STUM: variants seen among roughly 807,000 people sequenced by gnomAD.
STUM encodes stum, mechanosensory transduction mediator homolog.
A neutral mutation model predicts 15.3 loss-of-function variants in STUM; 8 were observed. The ratio of observed to expected loss-of-function variants is 0.52; its 90% CI spans 0.31 to 0.94. The LOEUF (loss-of-function observed/expected upper bound fraction) is 0.94. STUM is among the 40% of genes least tolerant of loss of function. STUM has a pLI of 0.05. For synonymous variants in STUM, 78 were observed against 88.7 expected, an observed-to-expected ratio of 0.88 and a Z score of 0.68; for missense variants, 142 against 204.9, an observed-to-expected ratio of 0.69 and a Z score of 1.87.
rs1667750845 is a variant in STUM, at chr1:226,573,317, G to A, written c.203-23485G>A. 2.0e-5 allele frequency among the ~76,000 whole-genome samples: 3 copies of A among 152,188 alleles called. No individual in the cohort carries two copies. In the South Asian group the frequency reaches 6.2e-4, roughly 32 times the overall value. ...CCATAAGTGAGTTAATGCACATAGA[G>A]CTTTTGTAACAGATGGTGGCGGGTT... On this transcript the variant is annotated intron_variant, in intron 1 of 3. Coordinates refer to ENST00000366788, the MANE Select transcript of STUM (RefSeq NM_001003665.4).
chr1:226,595,344 G>T (rs1482407646), intron 1 of STUM, among the ~76,000 whole-genome samples: 1 of 152,066 alleles, frequency 6.6e-6, no homozygotes, highest in Admixed American at 6.5e-5. Flanking sequence ...CACTGAGAGC[G>T]AGTCTTCCTC....
At position 226,548,832 on chromosome 1, in the gene STUM, A is replaced by G. The variant is rs1667315738; in HGVS notation, c.-73A>G. The G allele has an allele frequency of 8.5e-7, 1 of 1,177,962 alleles. No individual in the cohort carries two copies. The highest frequency in any genetic ancestry group is 1.1e-6 in the Non-Finnish European group (1 of 936,750). 73.0% of individuals were successfully genotyped at this position (1,177,962 alleles called of 1,614,324 possible). A position where few individuals can be genotyped will look rare whatever the true frequency, so the allele number is the denominator to read the frequency against. ...GCGCGGAGCCCGGAGCCCGCAGCCG[A>G]CAGTCTCCTGCTCCCGTACGCTGGG... is the stretch of plus-strand genomic sequence containing the variant. On this transcript the variant is annotated 5_prime_UTR_variant, in exon 1 of 4. Transcript: ENST00000366788.
chr1:226,600,065 A>C lies in STUM; in HGVS notation c.383-601A>C, dbSNP rs1394289226. On this transcript the variant is annotated intron_variant, in intron 2 of 3. Coordinates refer to ENST00000366788, the MANE Select transcript of STUM (RefSeq NM_001003665.4). This position sits in a 1 kb window ranked among gnomAD's most constrained non-coding sequence, Gnocchi z 5.2. Reference sequence around the variant, plus strand: ...TCAGCATCTTTAGATTGCTGTAGTCAAAGCTCTAGCTGTCCAGGAGCTGCC... The same window carrying C: ...TCAGCATCTTTAGATTGCTGTAGTCCAAGCTCTAGCTGTCCAGGAGCTGCC... 6.6e-6 allele frequency among the ~76,000 whole-genome samples: 1 copy of C among 152,176 alleles called. No individual in the cohort carries two copies.
At position 226,600,090 on chromosome 1, in the gene STUM, C is replaced by G. The variant is rs1300021005; in HGVS notation, c.383-576C>G. Among the ~76,000 whole-genome samples the G allele has an allele frequency of 2.0e-5, 3 of 152,056 alleles. No homozygotes were observed. On this transcript the variant is annotated intron_variant, in intron 2 of 3. Coordinates refer to ENST00000366788, the MANE Select transcript of STUM (RefSeq NM_001003665.4). This position sits in a 1 kb window ranked among gnomAD's most constrained non-coding sequence, Gnocchi z 5.2. The stretch of plus-strand genomic sequence containing the variant: ...AAAGCTCTAGCTGTCCAGGAGCTGC[C>G]ACTCCTCATGTCCATCTGGAATTTA...
At position 226,552,135 on chromosome 1, in the gene STUM, C is replaced by A. The variant is rs1435823320; in HGVS notation, c.202+3029C>A. Among the ~76,000 whole-genome samples the A allele has an allele frequency of 6.6e-6, 1 of 152,032 alleles. No individual in the cohort carries two copies. Among genetic ancestry groups the A allele is most frequent in the African/African-American group, 2.4e-5 (1 of 41,362 alleles). ...TCTCAGGTCCATCCAGTCTGCAGGA[C>A]CAGCTGTGGAGAAGCCCCATCCTTA... On this transcript the variant is annotated intron_variant, in intron 1 of 3. Transcript: ENST00000366788. The surrounding 1 kb of genome is among the most constrained non-coding windows in gnomAD (Gnocchi z 4.7).
intron 1 of STUM, among the ~76,000 whole-genome samples, chr1:226,582,358 C>T (rs1360790568): frequency 2.0e-5 from 3 of 152,108 alleles, no homozygotes; most frequent in East Asian, 3.8e-4. Context: ...TTTGGGAGGC[C>T]GAGGCAGGTG....
chr1:226,549,042 C>G lies in STUM; in HGVS notation c.138C>G (p.Ile46Met). ...AGAAGGGCCCCCTGCGCGCCGCCAT[C>G]CCCTACATGCCCTTCCCCGTGGCCG... is the stretch of plus-strand genomic sequence containing the variant. ...REKKGPLRAA[I>M]PYMPFPVAVI... The change falls in exon 1 of 4, where the codon ATC becomes ATG. Residue 46 changes from isoleucine (I) to methionine (M), a missense_variant. This residue lies in a region of STUM where 113 missense variants were observed against 134.4 expected (regional missense o/e 0.84). Coordinates refer to ENST00000366788, the MANE Select transcript of STUM (RefSeq NM_001003665.4). This position sits in a 1 kb window ranked among gnomAD's most constrained non-coding sequence, Gnocchi z 6.8. The G allele has an allele frequency of 6.3e-7, 1 of 1,582,906 alleles. No homozygotes were observed. The highest frequency in any genetic ancestry group is 8.6e-7 in the Non-Finnish European group (1 of 1,167,364).
intron 1 of STUM, among the ~76,000 whole-genome samples, chr1:226,581,547 T>C (rs1571806094): frequency 1.3e-5 from 2 of 152,180 alleles, no homozygotes; most frequent in Non-Finnish European, 1.5e-5. Context: ...TGAGCTTAGC[T>C]CTCTCTTCCT....
chr1:226,586,968 A>G (rs939188193), intron 1 of STUM, among the ~76,000 whole-genome samples: 3 of 152,156 alleles, frequency 2.0e-5, no homozygotes, highest in Non-Finnish European at 4.4e-5. Context: ...CTAGCACTGA[A>G]GCCTAGACTC....
At chr1:226,601,775 C>T (rs757614596) in intron 3 of STUM, among the ~76,000 whole-genome samples, 4 of 152,188 alleles carry the variant, frequency 2.6e-5, no homozygotes, top group Non-Finnish European at 5.9e-5. Context: ...CCCAAATGCC[C>T]GCCCGTCATA....
chr1:226,592,333 G>A (rs1347190880), intron 1 of STUM, among the ~76,000 whole-genome samples: 2 of 152,212 alleles, frequency 1.3e-5, no homozygotes, highest in African/African-American at 2.4e-5. Context: ...ACAGGCGTGA[G>A]CCACCACGCC....
chr1:226,589,569 C>G (rs12137075), intron 1 of STUM, among the ~76,000 whole-genome samples: 8,016 of 152,308 alleles, frequency 0.053, 306 homozygotes, highest in Non-Finnish European at 0.078. Flanking sequence ...GCCTCTGCTG[C>G]CTGCCTTTCT....
At chr1:226,585,386 G>T (rs1667981116) in intron 1 of STUM, among the ~76,000 whole-genome samples, 1 of 152,128 alleles carries the variant, frequency 6.6e-6, no homozygotes, top group Non-Finnish European at 1.5e-5. Flanking sequence ...AGGCCTTATT[G>T]GTTTCATGCT....
At chr1:226,550,595 CT>C (rs572158437) in intron 1 of STUM, among the ~76,000 whole-genome samples, 2,646 of 143,822 alleles carry the variant, frequency 0.018, 19 homozygotes, top group Non-Finnish European at 0.026. Flanking sequence ...CTTGATCCAC[CT>C]TTTTTTTTTT....
rs140360507 is a variant in STUM at position 226,551,470 on chromosome 1, T to C, written c.202+2364T>C. Among the ~76,000 whole-genome samples the C allele has an allele frequency of 2.7e-3, 410 of 152,320 alleles. 1 individual carries two copies. Among genetic ancestry groups the C allele is most frequent in the African/African-American group, 9.6e-3 (399 of 41,578 alleles). ...CAGGCAACAAAGCAGCTCAGACCAA[T>C]CTTGCAGGTGGTTTTATTGCCCCCC... On this transcript the variant is annotated intron_variant, in intron 1 of 3. Transcript: ENST00000366788.
At chr1:226,586,282 A>G (rs75996283) in intron 1 of STUM, among the ~76,000 whole-genome samples, 3,691 of 152,216 alleles carry the variant, frequency 0.024, 163 homozygotes, top group African/African-American at 0.084. Flanking sequence ...ACGCCTGGCT[A>G]TGAACTCCCA....
In STUM at chr1:226,549,344, G is replaced by A. The variant is rs1389725433; in HGVS notation, c.202+238G>A. Among the ~76,000 whole-genome samples, 1 of 152,156 alleles carries A rather than the reference G, an allele frequency of 6.6e-6. No individual in the cohort carries two copies. The highest frequency in any genetic ancestry group is 2.4e-5 in the African/African-American group (1 of 41,450). On this transcript the variant is annotated intron_variant, in intron 1 of 3. Coordinates refer to ENST00000366788, the MANE Select transcript of STUM (RefSeq NM_001003665.4). This position sits in a 1 kb window ranked among gnomAD's most constrained non-coding sequence, Gnocchi z 6.8. ...CCCGCAGGCGGGGCCCCAAAGAGCCGGAAACTTTGCGGCCAATGTTGGAGC... is the reference window on the plus strand; with the variant it reads ...CCCGCAGGCGGGGCCCCAAAGAGCCAGAAACTTTGCGGCCAATGTTGGAGC...
intron 2 of STUM, 63 bp downstream of exon 2, chr1:226,597,044 G>A (rs1350577884): frequency 6.7e-7 from 1 of 1,484,960 alleles, no homozygotes; most frequent in East Asian, 2.3e-5. Context: ...GGAAGGGCTT[G>A]GGAGACCTTC....
chr1:226,594,130 A>C (rs1668134011), intron 1 of STUM, among the ~76,000 whole-genome samples: 2 of 152,206 alleles, frequency 1.3e-5, no homozygotes, highest in Non-Finnish European at 2.9e-5. Flanking sequence ...AGAAATCAGC[A>C]TGTGGACTCA....
Sources: allele counts gnomAD v4.1 joint callset (sites outside exome capture counted in the v4.1 genomes callset), GRCh38; gene constraint gnomAD v4.1.1; regional missense constraint gnomAD v4.1.1; non-coding constraint Gnocchi (gnomAD v3.1); transcripts MANE v1.5; gene names NCBI Gene and HGNC (gene_info 2026-07-23, HGNC 2026-07-21).